The following VEZT variants were observed in gnomAD, a reference collection of about 807,000 sequenced individuals.
VEZT encodes the protein vezatin.
Under a neutral mutation model 79.9 loss-of-function variants are expected in VEZT, and 39 were observed. The observed-to-expected ratio is 0.49, with a 90% CI of 0.38 to 0.64. VEZT has a LOEUF of 0.64. VEZT is among the 30% of genes least tolerant of loss of function. The pLI, the probability that VEZT is intolerant of heterozygous loss-of-function variation, is 0.00. For synonymous variants in VEZT, 325 were observed against 327.6 expected (o/e 0.99, Z 0.09); for missense variants, 837 against 893.1 (o/e 0.94, Z 0.80).
At chr12:95,278,195 T>A (rs1056274201) in intron 7 of VEZT, among the ~76,000 whole-genome samples, 1 of 152,228 alleles carries the variant, frequency 6.6e-6, no homozygotes, top group Non-Finnish European at 1.5e-5. Flanking sequence ...AATTAATGAA[T>A]GTTAGCTGAT....
At chr12:95,275,702 A>G (rs1369182067) in intron 7 of VEZT, 1 of 152,066 alleles carries the variant, frequency 6.6e-6, no homozygotes, top group Non-Finnish European at 1.5e-5. Flanking sequence ...AGAGCACTCT[A>G]AAGTGTCTAA....
intron 5 of VEZT, among the ~76,000 whole-genome samples, chr12:95,267,943 C>A (rs949614399): frequency 1.4e-4 from 22 of 151,998 alleles, no homozygotes; most frequent in African/African-American, 5.3e-4. Flanking sequence ...ATTGCTTAAA[C>A]CCCAGGAGGT....
intron 4 of VEZT, among the ~76,000 whole-genome samples, chr12:95,264,224 AT>A (rs55646581): frequency 0.11 from 17,169 of 152,208 alleles, 1,265 homozygotes; most frequent in East Asian, 0.16. Context: ...AAATACAAGA[AT>A]TTAAGGAGCT....
At chr12:95,290,938 A>C (rs542269082) in intron 9 of VEZT, 1 of 152,260 alleles carries the variant, frequency 6.6e-6, no homozygotes, top group African/African-American at 2.4e-5. Context: ...TACCATAGAA[A>C]AGAATCTCCA....
chr12:95,258,274 A>G, intron 3 of VEZT: 1 of 455,918 alleles, frequency 2.2e-6, no homozygotes. Flanking sequence ...CAGTGATACT[A>G]GGACTGTGGT....
At chr12:95,240,969 G>A (rs1030657162) in intron 1 of VEZT, among the ~76,000 whole-genome samples, 2 of 152,014 alleles carry the variant, frequency 1.3e-5, no homozygotes, top group Non-Finnish European at 2.9e-5. Context: ...GCAGCATCCC[G>A]ATCTCTACAC....
intron 7 of VEZT, among the ~76,000 whole-genome samples, chr12:95,276,755 A>G (rs546031004): frequency 6.6e-6 from 1 of 152,268 alleles, no homozygotes; most frequent in Admixed American, 6.5e-5. Context: ...ATTGACTTCC[A>G]TATCTTTTAC....
rs763439823 is a variant in VEZT at position 95,282,587 on chromosome 12, A to G, written c.1271A>G (p.Asn424Ser). ...SKTQQKSREL[N>S]NVHTAVRSLQ... is the part of the protein sequence containing the mutation. ...ACTCAACAGAAGTCAAGAGAACTGAATAATGTTCACACAGCAGTGCGTAGC... is the reference window on the plus strand; with the variant it reads ...ACTCAACAGAAGTCAAGAGAACTGAGTAATGTTCACACAGCAGTGCGTAGC... The change falls in exon 8 of 12, where the codon AAT (asparagine) becomes AGT (serine). Residue 424 changes from asparagine (N) to serine (S), a missense_variant. Physicochemically the swap from Asn to Ser is conservative, Grantham distance 46 (BLOSUM62 1). Transcript: ENST00000436874. 26 of 1,613,890 alleles carry G rather than the reference A, an allele frequency of 1.6e-5. No homozygotes were observed. The Admixed American group carries it at 1.8e-4, about 11-fold the overall frequency.
chr12:95,299,151 A>T (rs1009790555), intron 11 of VEZT: 4 of 154,552 alleles, frequency 2.6e-5, no homozygotes, highest in African/African-American at 7.2e-5. Context: ...TGCTGTGGCC[A>T]TTTTTTTTCT....
At chr12:95,220,533 C>A (rs1171917758) in intron 1 of VEZT, among the ~76,000 whole-genome samples, 1 of 152,130 alleles carries the variant, frequency 6.6e-6, no homozygotes, top group Non-Finnish European at 1.5e-5. Flanking sequence ...CATCACTACT[C>A]CCTACCCCAA....
At chr12:95,265,897 T>A (rs2065439246) in intron 4 of VEZT, among the ~76,000 whole-genome samples, 1 of 152,280 alleles carries the variant, frequency 6.6e-6, no homozygotes, top group South Asian at 2.1e-4. Flanking sequence ...ACTCAAGACA[T>A]GTTCTGGGCC....
chr12:95,265,463 A>G (rs1476414701), intron 4 of VEZT, among the ~76,000 whole-genome samples: 2 of 149,554 alleles, frequency 1.3e-5, no homozygotes, highest in Admixed American at 1.4e-4. Flanking sequence ...TTCTATGCAA[A>G]TAAAGTTTGA....
At chr12:95,298,075 G>A (rs1399911732) in intron 11 of VEZT, among the ~76,000 whole-genome samples, 10 of 151,738 alleles carry the variant, frequency 6.6e-5, no homozygotes, top group African/African-American at 1.7e-4. Context: ...AGCCGACATC[G>A]CACCACTGCA....
intron 9 of VEZT, among the ~76,000 whole-genome samples, chr12:95,288,309 G>C (rs1290219675): frequency 2.6e-5 from 4 of 152,086 alleles, no homozygotes; most frequent in African/African-American, 9.7e-5. Flanking sequence ...TTAGTACTAA[G>C]ATCTAAAGAC....
At chr12:95,294,764 G>A (rs4762340) in intron 10 of VEZT, among the ~76,000 whole-genome samples, 56,429 of 152,006 alleles carry the variant, frequency 0.37, 11,280 homozygotes, top group African/African-American at 0.53. Context: ...ATTGACAAAG[G>A]TTACTTTTGT....
At chr12:95,256,773 T>G (rs547378392) in intron 2 of VEZT, among the ~76,000 whole-genome samples, 1 of 152,348 alleles carries the variant, frequency 6.6e-6, no homozygotes, top group South Asian at 2.1e-4. Context: ...ATGATTTTTC[T>G]TTCTGAAATA....
At chr12:95,254,208 G>A (rs889515588) in intron 2 of VEZT, among the ~76,000 whole-genome samples, 4 of 151,658 alleles carry the variant, frequency 2.6e-5, no homozygotes, top group African/African-American at 9.7e-5. Context: ...GCCCAGGTTG[G>A]TCTCAAACTC....
chr12:95,253,743 A>C (rs915465701), intron 2 of VEZT, among the ~76,000 whole-genome samples: 3 of 152,196 alleles, frequency 2.0e-5, no homozygotes, highest in African/African-American at 7.2e-5. Flanking sequence ...GTCAAGTGAG[A>C]GTTTAAAATT....
chr12:95,279,895 T>C lies in VEZT; in HGVS notation c.997-2418T>C, dbSNP rs186474992. Reference sequence around the variant, plus strand: ...CCACTGCGCCTGGCCTTTAGTCTTTTCAAAAGCCGCAGTAAACTGTACCAA... The same window carrying C: ...CCACTGCGCCTGGCCTTTAGTCTTTCCAAAAGCCGCAGTAAACTGTACCAA... On this transcript the variant is annotated intron_variant, in intron 7 of 11. Coordinates refer to ENST00000436874, the MANE Select transcript of VEZT (RefSeq NM_017599.4). Among the ~76,000 whole-genome samples the C allele has an allele frequency of 6.0e-3, 916 of 152,316 alleles. 11 individuals are homozygous for C. Among genetic ancestry groups the C allele is most frequent in the African/African-American group, 0.021 (866 of 41,546 alleles).
Sources: gnomAD v4.1 joint callset for allele counts (sites outside exome capture counted in the v4.1 genomes callset) on GRCh38, gnomAD v4.1.1 for gene constraint, MANE v1.5 for transcripts, NCBI Gene and HGNC (gene_info 2026-07-23, HGNC 2026-07-21) for gene names.